The following HMBOX1 variants were observed in gnomAD, a reference collection of about 807,000 sequenced individuals.
The protein encoded by HMBOX1 is homeobox-containing protein 1.
In HMBOX1, 14 loss-of-function variants were observed where a neutral mutation model predicts 54.5. The observed-to-expected ratio is 0.26, with a 90% CI of 0.17 to 0.40. HMBOX1 has a LOEUF of 0.40. Among genes scored for constraint, HMBOX1 ranks in the 10% least tolerant of loss-of-function variants. The pLI, the probability that HMBOX1 is intolerant of heterozygous loss-of-function variation, is 1.00. For synonymous variants in HMBOX1, 160 were observed against 181.0 expected (o/e 0.88, Z 0.93); for missense variants, 332 against 514.4 (o/e 0.65, Z 3.43).
intron 1 of HMBOX1, among the ~76,000 whole-genome samples, chr8:28,942,192 C>T (rs1821559683): frequency 6.6e-6 from 1 of 152,196 alleles, no homozygotes; most frequent in Non-Finnish European, 1.5e-5. Flanking sequence ...GACACCATGC[C>T]ATTTATTCCA....
intron 1 of HMBOX1, among the ~76,000 whole-genome samples, chr8:28,961,339 ACT>A (rs1439662546): frequency 6.6e-6 from 1 of 151,690 alleles, no homozygotes; most frequent in Non-Finnish European, 1.5e-5. Context: ...ACAGATTGAA[ACT>A]CTGTACCCTT....
At chr8:28,989,432 T>C (rs954877975) in intron 4 of HMBOX1, among the ~76,000 whole-genome samples, 4 of 152,206 alleles carry the variant, frequency 2.6e-5, no homozygotes, top group Non-Finnish European at 5.9e-5. Flanking sequence ...TTTTTTCTTA[T>C]AGAGATCCAG....
Position 29,053,255 on chromosome 8 carries a change from G to T in HMBOX1, c.*2100G>T, listed in dbSNP as rs1472409293. On this transcript the variant is annotated 3_prime_UTR_variant, in exon 10 of 10. Coordinates refer to ENST00000287701, the MANE Select transcript of HMBOX1 (RefSeq NM_001135726.3). Reference sequence around the variant, plus strand: ...GGAAAAAATATATGTACTTTTTTCAGCTTCCAAGCATTGAAGTGAAGTGGA... The same window carrying T: ...GGAAAAAATATATGTACTTTTTTCATCTTCCAAGCATTGAAGTGAAGTGGA... The T allele has an allele frequency of 6.6e-6, 1 of 152,006 alleles. No individual in the cohort carries two copies. Among genetic ancestry groups the T allele is most frequent in the Non-Finnish European group, 1.5e-5 (1 of 68,018 alleles). 9.4% of individuals were successfully genotyped at this position (152,006 alleles called of 1,614,324 possible). A position where few individuals can be genotyped will look rare whatever the true frequency, so the allele number is the denominator to read the frequency against.
intron 2 of HMBOX1, among the ~76,000 whole-genome samples, chr8:28,966,238 G>A (rs80001782): frequency 2.0e-5 from 3 of 152,262 alleles, no homozygotes; most frequent in African/African-American, 7.2e-5. Flanking sequence ...AAAATGTATT[G>A]TGAAAAGTTA....
chr8:28,978,372 A>G (rs1476650486), intron 3 of HMBOX1, among the ~76,000 whole-genome samples: 4 of 152,200 alleles, frequency 2.6e-5, no homozygotes, highest in Admixed American at 6.5e-5. Flanking sequence ...TCACAAAACA[A>G]TTGTTAAGGT....
At chr8:28,923,529 C>A (rs903234957) in intron 1 of HMBOX1, among the ~76,000 whole-genome samples, 15 of 152,126 alleles carry the variant, frequency 9.9e-5, no homozygotes, top group African/African-American at 3.1e-4. Flanking sequence ...TTTTTCTTGT[C>A]ATTTGTCCCT....
At chr8:28,906,581 CTTA>C (rs745787820) in intron 1 of HMBOX1, among the ~76,000 whole-genome samples, 21 of 152,068 alleles carry the variant, frequency 1.4e-4, no homozygotes, top group Non-Finnish European at 2.4e-4. Context: ...AAAATGATGA[CTTA>C]TTATTATTAT....
chr8:28,990,072 A>C (rs1189039568), intron 4 of HMBOX1, among the ~76,000 whole-genome samples: 1 of 152,070 alleles, frequency 6.6e-6, no homozygotes, highest in African/African-American at 2.4e-5. Context: ...TATTTGTTCT[A>C]GTAGCTTTAA....
Position 28,925,575 on chromosome 8 carries a change from G to A in HMBOX1, c.-58+34897G>A, listed in dbSNP as rs542446655. 2.0e-5 allele frequency among the ~76,000 whole-genome samples: 3 copies of A among 152,166 alleles called. No homozygotes were observed. In the South Asian group the frequency reaches 6.2e-4, roughly 32 times the overall value. ...GATGTGTTGTTTTTAGTAAAGCACT[G>A]CAGGTAAACCACCTTGACCCTGTCA... On this transcript the variant is annotated intron_variant, in intron 1 of 9. Coordinates refer to ENST00000287701, the MANE Select transcript of HMBOX1 (RefSeq NM_001135726.3).
At chr8:29,043,924 T>C (rs2133342626) in intron 6 of HMBOX1, among the ~76,000 whole-genome samples, 1 of 151,982 alleles carries the variant, frequency 6.6e-6, no homozygotes, top group East Asian at 1.9e-4. Context: ...GAAGAGATGC[T>C]CAAATAAAGC....
intron 3 of HMBOX1, 130 bp from the exon 4 acceptor site, chr8:28,979,941 G>T (rs545968738): frequency 3.0e-6 from 2 of 659,430 alleles, no homozygotes; most frequent in East Asian, 2.6e-5. Context: ...ACACAAGTTT[G>T]GTCTGTTTAC....
At chr8:28,942,513 T>C (rs1821624973) in intron 1 of HMBOX1, among the ~76,000 whole-genome samples, 1 of 152,226 alleles carries the variant, frequency 6.6e-6, no homozygotes, top group African/African-American at 2.4e-5. Flanking sequence ...AGGGAATTAA[T>C]ACTACCAGTT....
At chr8:28,931,967 G>A (rs1387616630) in intron 1 of HMBOX1, among the ~76,000 whole-genome samples, 1 of 152,204 alleles carries the variant, frequency 6.6e-6, no homozygotes, top group Non-Finnish European at 1.5e-5. Flanking sequence ...ATAAGGTTGG[G>A]AGGACATATA....
At chr8:28,896,341 A>C (rs1365851025) in intron 1 of HMBOX1, among the ~76,000 whole-genome samples, 6 of 152,254 alleles carry the variant, frequency 3.9e-5, no homozygotes, top group African/African-American at 1.4e-4. Flanking sequence ...AATTGACATC[A>C]GTACAATGTG....
chr8:28,941,218 G>T (rs1320736089), intron 1 of HMBOX1, among the ~76,000 whole-genome samples: 1 of 152,048 alleles, frequency 6.6e-6, no homozygotes, highest in Non-Finnish European at 1.5e-5. Context: ...GTGCTGTGGG[G>T]CATAAAGAGA....
intron 3 of HMBOX1, among the ~76,000 whole-genome samples, chr8:28,977,955 A>AAAAG (rs563365004): frequency 3.3e-5 from 5 of 151,938 alleles, no homozygotes; most frequent in African/African-American, 1.2e-4. Context: ...AAAAAAAAAA[A>AAAAG]AAAGAAAGAA....
intron 5 of HMBOX1, among the ~76,000 whole-genome samples, chr8:29,011,194 A>G (rs1450407126): frequency 6.6e-6 from 1 of 152,186 alleles, no homozygotes; most frequent in Non-Finnish European, 1.5e-5. Flanking sequence ...AAATTCTTTC[A>G]CTATTGTATG....
intron 1 of HMBOX1, among the ~76,000 whole-genome samples, chr8:28,932,612 C>A (rs1421857367): frequency 6.6e-6 from 1 of 152,078 alleles, no homozygotes; most frequent in African/African-American, 2.4e-5. Context: ...AGAACAAAAC[C>A]TTTTCATCTA....
chr8:28,988,799 G>A, intron 4 of HMBOX1, among the ~76,000 whole-genome samples: 1 of 151,854 alleles, frequency 6.6e-6, no homozygotes, highest in Non-Finnish European at 1.5e-5. Context: ...TTTATTATAA[G>A]AGCTTTTTGT....
Sources: allele counts gnomAD v4.1 joint callset (sites outside exome capture counted in the v4.1 genomes callset), GRCh38; gene constraint gnomAD v4.1.1; transcripts MANE v1.5; gene names NCBI Gene and HGNC (gene_info 2026-07-23, HGNC 2026-07-21).